Variants in PHTF2 observed in about 807,000 individuals in gnomAD.
PHTF2 encodes the protein protein PHTF2.
PHTF2 carries 60 observed loss-of-function variants against 101.2 expected under a neutral mutation model. That is an observed-to-expected ratio of 0.59 (90% CI 0.48 to 0.73). PHTF2 has a LOEUF of 0.73. Among genes scored for constraint, PHTF2 ranks in the 30% least tolerant of loss-of-function variants. The probability of loss-of-function intolerance (pLI) is 0.00; values close to 1 mark genes in which losing one functional copy is unlikely to be tolerated. For missense variants in PHTF2, 747 were observed against 908.7 expected (o/e 0.82, Z 2.29); for synonymous variants, 311 against 307.3 (o/e 1.01, Z -0.13).
chr7:77,831,788 G>A (rs1266430040), intron 1 of PHTF2, among the ~76,000 whole-genome samples: 1 of 151,910 alleles, frequency 6.6e-6, no homozygotes, highest in East Asian at 1.9e-4. Flanking sequence ...GCGAGTCTAC[G>A]CACTGTGTCA....
intron 12 of PHTF2, among the ~76,000 whole-genome samples, chr7:77,929,744 A>G (rs577952827): frequency 4.6e-5 from 7 of 152,198 alleles, no homozygotes; most frequent in Non-Finnish European, 1.0e-4. Context: ...AGTCAGATGT[A>G]TAATTTTTAA....
At chr7:77,893,019 A>G (rs1241019361) in intron 3 of PHTF2, among the ~76,000 whole-genome samples, 1 of 152,216 alleles carries the variant, frequency 6.6e-6, no homozygotes, top group Non-Finnish European at 1.5e-5. Flanking sequence ...AGCTGTAGCA[A>G]TTGTGTTTAT....
intron 11 of PHTF2, chr7:77,923,125 A>G: frequency 1.0e-6 from 1 of 995,282 alleles, no homozygotes; most frequent in Non-Finnish European, 1.2e-6. Context: ...ATCATAGCAA[A>G]GTTATTTTAA....
chr7:77,949,877 T>A, intron 17 of PHTF2, 44 bp downstream of exon 16: 1 of 1,011,102 alleles, frequency 9.9e-7, no homozygotes, highest in Non-Finnish European at 1.4e-6. Context: ...TGTCTATAAG[T>A]TAAAATGTTT....
chr7:77,937,597 TTA>T, intron 12 of PHTF2, 111 bp from the exon 12 acceptor site: 1 of 366,350 alleles, frequency 2.7e-6, no homozygotes. Flanking sequence ...ATTTTTATTT[TTA>T]GTGTCATTAA....
intron 9 of PHTF2, among the ~76,000 whole-genome samples, chr7:77,916,642 CA>C (rs373739915): frequency 4.3e-4 from 65 of 152,136 alleles, no homozygotes; most frequent in African/African-American, 1.5e-3. Context: ...CCACCACTCC[CA>C]ACCACCCCCC....
chr7:77,844,056 G>T (rs1796084411), intron 2 of PHTF2, among the ~76,000 whole-genome samples: 1 of 152,120 alleles, frequency 6.6e-6, no homozygotes, highest in Admixed American at 6.5e-5. Flanking sequence ...GAAGTGCAGT[G>T]GTGTGAACAC....
intron 12 of PHTF2, among the ~76,000 whole-genome samples, chr7:77,936,279 T>C (rs142684107): frequency 2.9e-4 from 44 of 152,342 alleles, no homozygotes; most frequent in African/African-American, 9.6e-4. Flanking sequence ...AAAGAATAAA[T>C]GTACCTAGAG....
At chr7:77,867,688 T>G (rs1184910127) in intron 3 of PHTF2, among the ~76,000 whole-genome samples, 1 of 152,100 alleles carries the variant, frequency 6.6e-6, no homozygotes, top group Non-Finnish European at 1.5e-5. Flanking sequence ...AGCTAAGGAG[T>G]TCTGGTGTAT....
chr7:77,923,138 A>G (rs1803639872), intron 11 of PHTF2: 1 of 987,332 alleles, frequency 1.0e-6, no homozygotes. Flanking sequence ...TATTTTAAGT[A>G]ACTTCCTTCA....
At chr7:77,908,305 G>A (rs1802052865) in intron 7 of PHTF2, among the ~76,000 whole-genome samples, 1 of 152,136 alleles carries the variant, frequency 6.6e-6, no homozygotes, top group Non-Finnish European at 1.5e-5. Context: ...GTAATAGTTA[G>A]CATTGATGGA....
At chr7:77,881,314 C>T (rs1449110369) in intron 3 of PHTF2, among the ~76,000 whole-genome samples, 1 of 151,926 alleles carries the variant, frequency 6.6e-6, no homozygotes, top group Non-Finnish European at 1.5e-5. Context: ...GCTTTTGATT[C>T]TTCTCCCCTC....
intron 13 of PHTF2, among the ~76,000 whole-genome samples, chr7:77,939,589 CAAAAA>C (rs914007792): frequency 5.3e-5 from 4 of 75,088 alleles, no homozygotes; most frequent in Non-Finnish European, 9.1e-5. Context: ...GACCCTGTCT[CAAAAA>C]AAAAAAAAAA....
At chr7:77,826,695 G>A (rs1794717934) in intron 1 of PHTF2, among the ~76,000 whole-genome samples, 1 of 152,194 alleles carries the variant, frequency 6.6e-6, no homozygotes, top group South Asian at 2.1e-4. Flanking sequence ...GGTTAGGAAA[G>A]GTCTTTATTT....
At chr7:77,836,012 G>T (rs1795431120) in intron 1 of PHTF2, among the ~76,000 whole-genome samples, 1 of 151,306 alleles carries the variant, frequency 6.6e-6, no homozygotes, top group South Asian at 2.1e-4. Flanking sequence ...CAGCTACTCG[G>T]GAGGTTGAGG....
chr7:77,802,367 C>T (rs1792626711), intron 1 of PHTF2, among the ~76,000 whole-genome samples: 2 of 152,154 alleles, frequency 1.3e-5, no homozygotes, highest in South Asian at 4.1e-4. Context: ...TATTCACCTT[C>T]CAATACTTAC....
chr7:77,844,254 G>A (rs549431516), intron 2 of PHTF2, among the ~76,000 whole-genome samples: 22 of 152,114 alleles, frequency 1.4e-4, no homozygotes, highest in Middle Eastern at 3.4e-3. Flanking sequence ...TTGGACTCCC[G>A]AAGTGCTGGG....
At chr7:77,805,915 C>T (rs573041495) in intron 1 of PHTF2, among the ~76,000 whole-genome samples, 1 of 152,280 alleles carries the variant, frequency 6.6e-6, no homozygotes, top group Admixed American at 6.5e-5. Context: ...TGGCTTACGC[C>T]TGTAATCCCA....
At chr7:77,948,958 C>T (rs539551633) in intron 16 of PHTF2, among the ~76,000 whole-genome samples, 4 of 152,152 alleles carry the variant, frequency 2.6e-5, no homozygotes, top group Non-Finnish European at 5.9e-5. Context: ...TTTGCATGTG[C>T]GTACAAGGAA....
Sources: gnomAD v4.1 joint callset for allele counts (sites outside exome capture counted in the v4.1 genomes callset) on GRCh38, gnomAD v4.1.1 for gene constraint, MANE v1.5 for transcripts, NCBI Gene and HGNC (gene_info 2026-07-23, HGNC 2026-07-21) for gene names.